The following MED27 variants were observed in gnomAD, a reference collection of about 807,000 sequenced individuals.
MED27 encodes the protein mediator complex subunit 27.
Under a neutral mutation model 38.2 loss-of-function variants are expected in MED27, and 30 were observed. The ratio of observed to expected loss-of-function variants is 0.79; its 90% CI spans 0.59 to 1.07. The LOEUF (loss-of-function observed/expected upper bound fraction) is 1.07. MED27 is among the 50% of genes least tolerant of loss of function. The probability of loss-of-function intolerance (pLI) is 0.00; values close to 1 mark genes in which losing one functional copy is unlikely to be tolerated. For synonymous variants in MED27, 122 were observed against 153.5 expected (o/e 0.79, Z 1.52); for missense variants, 289 against 397.5 (o/e 0.73, Z 2.32).
chr9:131,964,339 T>G, intron 3 of MED27, among the ~76,000 whole-genome samples: 1 of 151,576 alleles, frequency 6.6e-6, no homozygotes, highest in Admixed American at 6.6e-5. Context: ...GTGATGGTGG[T>G]GGTGGTGGAG....
intron 2 of MED27, among the ~76,000 whole-genome samples, chr9:132,022,105 T>A (rs1832728783): frequency 6.6e-6 from 1 of 152,142 alleles, no homozygotes; most frequent in Non-Finnish European, 1.5e-5. Context: ...GAGAGCATCA[T>A]GACAGATTAT....
rs1286462069 is a variant in MED27 at position 131,913,036 on chromosome 9, A to G, written c.574-19044T>C. 6.6e-6 allele frequency among the ~76,000 whole-genome samples: 1 copy of G among 152,252 alleles called. No homozygotes were observed. The highest frequency in any genetic ancestry group is 1.5e-5 in the Non-Finnish European group (1 of 68,042). The stretch of plus-strand genomic sequence containing the variant: ...CATATAAGTCCCAACTGCACACTAA[A>G]TTTATCAACAAAACAATCATTTGAT... On this transcript the variant is annotated intron_variant, in intron 4 of 7. Coordinates refer to ENST00000292035, the MANE Select transcript of MED27 (RefSeq NM_004269.4). This position sits in a 1 kb window ranked among gnomAD's most constrained non-coding sequence, Gnocchi z 4.5.
chr9:131,965,211 C>T (rs1831311370), intron 3 of MED27, among the ~76,000 whole-genome samples: 1 of 152,216 alleles, frequency 6.6e-6, no homozygotes, highest in South Asian at 2.1e-4. Context: ...ATAAAGCCTA[C>T]AGCCCAGGAA....
chr9:132,013,970 C>T (rs1832538014), intron 3 of MED27, among the ~76,000 whole-genome samples: 1 of 152,066 alleles, frequency 6.6e-6, no homozygotes, highest in Non-Finnish European at 1.5e-5. Context: ...CTTTGGGAGG[C>T]CGAGGCAGGT....
intron 3 of MED27, among the ~76,000 whole-genome samples, chr9:132,006,433 G>C (rs893895453): frequency 2.0e-5 from 3 of 152,160 alleles, no homozygotes; most frequent in Non-Finnish European, 4.4e-5. Context: ...TCCCTTCAAA[G>C]TTGAAGAATT....
Position 132,028,571 on chromosome 9 carries a change from T to C in MED27, c.349-14104A>G, listed in dbSNP as rs978411541. On this transcript the variant is annotated intron_variant, in intron 2 of 7. Transcript: ENST00000292035. ...GCATAACTGCACAGCCAGACCTATATACCCTGCCTACACAAATGACAAGTC... is the reference window on the plus strand; with the variant it reads ...GCATAACTGCACAGCCAGACCTATACACCCTGCCTACACAAATGACAAGTC... 5.3e-5 allele frequency among the ~76,000 whole-genome samples: 8 copies of C among 151,994 alleles called. No homozygotes were observed. In the South Asian group the frequency reaches 1.5e-3, roughly 28 times the overall value.
chr9:131,961,425 A>G (rs1831211990), intron 3 of MED27, among the ~76,000 whole-genome samples: 1 of 152,200 alleles, frequency 6.6e-6, no homozygotes, highest in Admixed American at 6.5e-5. Flanking sequence ...TTCTTTGTTG[A>G]GTTCAGAACA....
chr9:131,998,090 CA>C (rs1469733021), intron 3 of MED27, among the ~76,000 whole-genome samples: 1 of 152,082 alleles, frequency 6.6e-6, no homozygotes, highest in African/African-American at 2.4e-5. Context: ...ATTCTTAGTA[CA>C]CGAGTGCTGA....
intron 3 of MED27, among the ~76,000 whole-genome samples, chr9:131,977,307 G>A (rs541945033): frequency 3.3e-5 from 5 of 152,270 alleles, no homozygotes; most frequent in Admixed American, 6.5e-5. Context: ...CTGGTTTGTG[G>A]GAAGTAGTAC....
At chr9:131,887,813 C>T (rs944432494) in intron 5 of MED27, among the ~76,000 whole-genome samples, 1 of 152,234 alleles carries the variant, frequency 6.6e-6, no homozygotes, top group Admixed American at 6.5e-5. Flanking sequence ...GATCTGAAAA[C>T]ACAAAAGTCA....
At chr9:131,978,669 T>G (rs1453390302) in intron 3 of MED27, among the ~76,000 whole-genome samples, 1 of 152,080 alleles carries the variant, frequency 6.6e-6, no homozygotes, top group South Asian at 2.1e-4. Context: ...ATTAAAAAGT[T>G]AAAACAACAA....
chr9:131,979,111 G>A (rs1192590788), intron 3 of MED27, among the ~76,000 whole-genome samples: 1 of 152,224 alleles, frequency 6.6e-6, no homozygotes, highest in Non-Finnish European at 1.5e-5. Flanking sequence ...GATGATGGGT[G>A]TCACTTGGCA....
intron 4 of MED27, among the ~76,000 whole-genome samples, chr9:131,905,119 G>A (rs765447213): frequency 2.1e-4 from 32 of 152,110 alleles, no homozygotes; most frequent in Non-Finnish European, 3.8e-4. Flanking sequence ...TTTATAAAAC[G>A]TATATTCAAA....
In MED27 at chr9:131,869,521, G is replaced by A. The variant is rs995780099; in HGVS notation, c.724-6381C>T. 7 of 593,268 alleles carry A rather than the reference G, an allele frequency of 1.2e-5. No homozygotes were observed. In the Admixed American group the frequency reaches 2.5e-4, roughly 21 times the overall value. The allele number at this position is 593,268 out of a possible 1,614,324, so 36.8% of individuals were successfully genotyped here. On this transcript the variant is annotated intron_variant, in intron 6 of 7. Transcript: ENST00000292035. ...AAAAGCCGCCCTCCCCCTTGGCGGA[G>A]GCCAGGAAGGGCACTAATGCTCCCA...
rs567612510 is a variant in MED27 at position 131,868,592 on chromosome 9, A to G, written c.724-5452T>C. 4.9e-5 allele frequency: 48 copies of G among 985,492 alleles called. No individual in the cohort carries two copies. In the East Asian group the frequency reaches 2.3e-3, roughly 47 times the overall value. 61.0% of individuals were successfully genotyped at this position (985,492 alleles called of 1,614,324 possible). The stretch of plus-strand genomic sequence containing the variant: ...CGCCCGGCCCACTATTCTGATTTAC[A>G]TTGGACAGAGGAGGAGTGAGGATGT... On this transcript the variant is annotated intron_variant, in intron 6 of 7. Coordinates refer to ENST00000292035, the MANE Select transcript of MED27 (RefSeq NM_004269.4).
chr9:131,909,420 G>A (rs1200646026), intron 4 of MED27, among the ~76,000 whole-genome samples: 1 of 152,176 alleles, frequency 6.6e-6, no homozygotes, highest in Non-Finnish European at 1.5e-5. Context: ...CAGCATTAGT[G>A]TGGACTCTGA....
At chr9:132,069,882 C>T (rs1364962318) in intron 2 of MED27, among the ~76,000 whole-genome samples, 1 of 152,218 alleles carries the variant, frequency 6.6e-6, no homozygotes, top group Non-Finnish European at 1.5e-5. Flanking sequence ...CTCTAGAATG[C>T]TCTGTCAGAG....
intron 3 of MED27, among the ~76,000 whole-genome samples, chr9:132,006,690 C>T (rs1394691879): frequency 6.6e-6 from 1 of 151,772 alleles, no homozygotes; most frequent in African/African-American, 2.4e-5. Flanking sequence ...TCAAAATGAG[C>T]AACAGAAGAG....
Position 131,965,369 on chromosome 9 carries a change from C to T in MED27, c.480-25895G>A, listed in dbSNP as rs138597176. On this transcript the variant is annotated intron_variant, in intron 3 of 7. Transcript: ENST00000292035. ...AGCAAGCTGGTTAATGGTCATTTTA[C>T]GGTCCACATACTACTCTGAAATCTA... 5.2e-3 allele frequency among the ~76,000 whole-genome samples: 798 copies of T among 152,350 alleles called. 15 individuals carry two copies. Among genetic ancestry groups the T allele is most frequent in the African/African-American group, 0.018 (733 of 41,582 alleles).
Sources: allele counts gnomAD v4.1 joint callset (sites outside exome capture counted in the v4.1 genomes callset), GRCh38; gene constraint gnomAD v4.1.1; non-coding constraint Gnocchi (gnomAD v3.1); transcripts MANE v1.5; gene names NCBI Gene and HGNC (gene_info 2026-07-23, HGNC 2026-07-21).